The following NAALADL2 variants were observed in gnomAD, a reference collection of about 807,000 sequenced individuals.
The protein encoded by NAALADL2 is inactive N-acetylated-alpha-linked acidic dipeptidase-like protein 2.
A neutral mutation model predicts 87.2 loss-of-function variants in NAALADL2; 76 were observed. The observed-to-expected ratio is 0.87, with a 90% CI of 0.72 to 1.05. The LOEUF is 1.05. Ranked by LOEUF, NAALADL2 falls within the 50% of genes least tolerant of loss-of-function variation. The pLI is 0.00. For synonymous variants in NAALADL2, 354 were observed against 331.0 expected (o/e 1.07, Z -0.75); for missense variants, 1,089 against 945.8 (o/e 1.15, Z -1.99).
intron 11 of NAALADL2, among the ~76,000 whole-genome samples, chr3:175,646,803 A>G (rs1362859992): frequency 6.6e-6 from 1 of 152,064 alleles, no homozygotes; most frequent in Non-Finnish European, 1.5e-5. Flanking sequence ...TACCTTTCTT[A>G]TATAGTTTCC....
chr3:175,620,150 A>G (rs1469200929), intron 10 of NAALADL2, among the ~76,000 whole-genome samples: 1 of 152,106 alleles, frequency 6.6e-6, no homozygotes. Flanking sequence ...AGCCCCCAGA[A>G]ATGACATAGG....
At chr3:174,526,617 T>A (rs544550503) in intron 1 of NAALADL2, among the ~76,000 whole-genome samples, 27 of 152,146 alleles carry the variant, frequency 1.8e-4, no homozygotes, top group South Asian at 4.1e-4. Context: ...TACATTAATT[T>A]AAAAAATAGC....
chr3:175,379,769 T>G (rs771864778), intron 5 of NAALADL2, among the ~76,000 whole-genome samples: 2 of 152,124 alleles, frequency 1.3e-5, no homozygotes, highest in Non-Finnish European at 2.9e-5. Flanking sequence ...TGATTGAATA[T>G]GGCTTATTAT....
chr3:175,206,263 T>TATATATA (rs1553812240), intron 2 of NAALADL2, among the ~76,000 whole-genome samples: 1 of 75,724 alleles, frequency 1.3e-5, no homozygotes, highest in African/African-American at 6.0e-5. Flanking sequence ...TATATATATA[T>TATATATA]TTTTTTTTTT....
intron 9 of NAALADL2, among the ~76,000 whole-genome samples, chr3:175,549,771 G>A (rs967147607): frequency 5.3e-5 from 8 of 151,978 alleles, no homozygotes; most frequent in African/African-American, 1.7e-4. Context: ...AAGACTTACA[G>A]TCAGAAGTTA....
intron 13 of NAALADL2, among the ~76,000 whole-genome samples, chr3:175,800,495 A>T (rs1576871751): frequency 1.3e-5 from 2 of 152,188 alleles, no homozygotes; most frequent in South Asian, 4.1e-4. Context: ...TTCCCATTTA[A>T]ATTTTTCTGT....
chr3:175,293,741 C>A (rs1755960494), intron 4 of NAALADL2, among the ~76,000 whole-genome samples: 1 of 152,188 alleles, frequency 6.6e-6, no homozygotes. Context: ...AGTGAACCCT[C>A]ATCAGACACA....
chr3:175,625,121 G>C (rs13101085), intron 10 of NAALADL2, among the ~76,000 whole-genome samples: 111,411 of 151,846 alleles, frequency 0.73, 41,698 homozygotes, highest in East Asian at 0.88. Context: ...TTTGAATAAA[G>C]CTAATGCTAG....
At chr3:175,317,834 A>T (rs1759350165) in intron 4 of NAALADL2, among the ~76,000 whole-genome samples, 1 of 152,196 alleles carries the variant, frequency 6.6e-6, no homozygotes, top group Non-Finnish European at 1.5e-5. Context: ...AATGAAGAGA[A>T]GCAAAAACAT....
chr3:174,990,794 A>G (rs1243080920), intron 1 of NAALADL2, among the ~76,000 whole-genome samples: 1 of 152,080 alleles, frequency 6.6e-6, no homozygotes, highest in African/African-American at 2.4e-5. Context: ...GGCTGGCTCT[A>G]TTTCCAGTAG....
At position 175,638,947 on chromosome 3, in the gene NAALADL2, A is replaced by G. The variant is rs114410237; in HGVS notation, c.1896+11561A>G. On this transcript the variant is annotated intron_variant, in intron 11 of 13. Coordinates refer to ENST00000454872, the MANE Select transcript of NAALADL2 (RefSeq NM_207015.3). ...GTGTGTACTTTACTTCCTTTAGTAG[A>G]TTACAGTTTCTGTAGTGAAATTTAT... Among the ~76,000 whole-genome samples the G allele has an allele frequency of 6.8e-3, 1,032 of 152,294 alleles. 9 individuals carry two copies. Among genetic ancestry groups the G allele is most frequent in the African/African-American group, 0.024 (990 of 41,546 alleles).
chr3:175,230,100 AG>A (rs1252205175), intron 2 of NAALADL2, among the ~76,000 whole-genome samples: 4 of 151,922 alleles, frequency 2.6e-5, no homozygotes, highest in African/African-American at 4.8e-5. Flanking sequence ...AAGGGGTACT[AG>A]GACTCATGTT....
chr3:175,394,513 A>C (rs1026402198), intron 5 of NAALADL2, among the ~76,000 whole-genome samples: 2 of 152,178 alleles, frequency 1.3e-5, no homozygotes, highest in African/African-American at 4.8e-5. Flanking sequence ...AACACTACCG[A>C]TATTTTTTAA....
chr3:175,534,262 G>A (rs1734500292), intron 9 of NAALADL2, among the ~76,000 whole-genome samples: 1 of 150,622 alleles, frequency 6.6e-6, no homozygotes, highest in Admixed American at 6.6e-5. Flanking sequence ...AGAACTAATA[G>A]GATACAATAG....
At chr3:175,129,088 A>G (rs1219629971) in intron 2 of NAALADL2, among the ~76,000 whole-genome samples, 2 of 146,032 alleles carry the variant, frequency 1.4e-5, no homozygotes, top group African/African-American at 2.6e-5. Context: ...AGAGGTGTGC[A>G]CCCCTATGCC....
chr3:174,801,140 A>G (rs1718780901), intron 3 of NAALADL2, among the ~76,000 whole-genome samples: 1 of 152,162 alleles, frequency 6.6e-6, no homozygotes, highest in Non-Finnish European at 1.5e-5. Context: ...TTGGTTTTGA[A>G]TGCGAGGACA....
chr3:175,703,652 A>G (rs1315923229), intron 11 of NAALADL2, among the ~76,000 whole-genome samples: 1 of 152,168 alleles, frequency 6.6e-6, no homozygotes, highest in African/African-American at 2.4e-5. Context: ...CTGAGGCAGG[A>G]GAATCGCTTG....
intron 1 of NAALADL2, among the ~76,000 whole-genome samples, chr3:174,447,216 C>T (rs1715124163): frequency 6.6e-6 from 1 of 152,122 alleles, no homozygotes; most frequent in African/African-American, 2.4e-5. Flanking sequence ...CAGCAGTCAT[C>T]TATCTTCTAA....
At chr3:175,398,385 G>A (rs1339567247) in intron 5 of NAALADL2, among the ~76,000 whole-genome samples, 1 of 146,094 alleles carries the variant, frequency 6.8e-6, no homozygotes, top group Non-Finnish European at 1.5e-5. Flanking sequence ...TGCAAGCACG[G>A]ATTGCCCCGG....
Sources: allele counts gnomAD v4.1 joint callset (sites outside exome capture counted in the v4.1 genomes callset), GRCh38; gene constraint gnomAD v4.1.1; transcripts MANE v1.5; gene names NCBI Gene and HGNC (gene_info 2026-07-23, HGNC 2026-07-21).